Variants in SUMF1 observed in about 807,000 individuals in gnomAD.
SUMF1 encodes the protein sulfatase modifying factor 1.
SUMF1 carries 48 observed loss-of-function variants against 47.6 expected under a neutral mutation model. The observed-to-expected ratio is 1.01, with a 90% CI of 0.80 to 1.28. The LOEUF is 1.28. Among genes scored for constraint, SUMF1 ranks in the 50% most tolerant of loss-of-function variants. The pLI, the probability that SUMF1 is intolerant of heterozygous loss-of-function variation, is 0.00. For synonymous variants in SUMF1, 230 were observed against 192.1 expected, an observed-to-expected ratio of 1.20 and a Z score of -1.63; for missense variants, 571 against 485.4, an observed-to-expected ratio of 1.18 and a Z score of -1.66.
At chr3:4,154,077 T>C (rs1694399488) in intron 8 of SUMF1, among the ~76,000 whole-genome samples, 1 of 151,484 alleles carries the variant, frequency 6.6e-6, no homozygotes, top group Non-Finnish European at 1.5e-5. Context: ...TTAAATGGAA[T>C]GGCATGGCAC....
intron 8 of SUMF1, among the ~76,000 whole-genome samples, chr3:4,297,861 C>T (rs541095744): frequency 6.6e-6 from 1 of 152,222 alleles, no homozygotes; most frequent in Admixed American, 6.5e-5. Flanking sequence ...AAAAGAATGG[C>T]TTCTGAATAC....
intron 9 of SUMF1, among the ~76,000 whole-genome samples, chr3:4,047,641 A>T (rs1695028603): frequency 6.6e-6 from 1 of 152,046 alleles, no homozygotes; most frequent in African/African-American, 2.4e-5. Flanking sequence ...AGCCATACTA[A>T]GGAGATGCAC....
chr3:4,071,057 A>C (rs1695509903), intron 8 of SUMF1, among the ~76,000 whole-genome samples: 1 of 152,198 alleles, frequency 6.6e-6, no homozygotes, highest in Non-Finnish European at 1.5e-5. Flanking sequence ...TCTGGTAGGA[A>C]TAATACATAT....
chr3:4,058,637 C>T (rs1695229746), intron 9 of SUMF1, among the ~76,000 whole-genome samples: 1 of 152,004 alleles, frequency 6.6e-6, no homozygotes, highest in Non-Finnish European at 1.5e-5. Context: ...AGATGAGTTC[C>T]TCAAGATAAT....
chr3:4,417,757 C>G lies in SUMF1; in HGVS notation c.725+253G>C, dbSNP rs12629734. ...AAGTTCTAAGCAGTGATATGTAACT[C>G]AAGGGGGTTGAATTGCTAAGACTTG... On this transcript the variant is annotated intron_variant, in intron 5 of 8. Transcript: ENST00000272902. 5.0e-3 allele frequency among the ~76,000 whole-genome samples: 762 copies of G among 152,274 alleles called. 12 individuals carry two copies. Among genetic ancestry groups the G allele is most frequent in the East Asian group, 0.047 (242 of 5,180 alleles).
At chr3:4,349,742 A>G (rs1699447299) in intron 8 of SUMF1, among the ~76,000 whole-genome samples, 1 of 152,282 alleles carries the variant, frequency 6.6e-6, no homozygotes, top group East Asian at 1.9e-4. Flanking sequence ...GAACAGAAAA[A>G]CAAACACCAC....
intron 8 of SUMF1, among the ~76,000 whole-genome samples, chr3:4,119,993 T>C (rs1693503477): frequency 6.6e-6 from 1 of 152,124 alleles, no homozygotes; most frequent in Non-Finnish European, 1.5e-5. Flanking sequence ...TAGGAAATGT[T>C]AACAAACAGC....
intron 9 of SUMF1, among the ~76,000 whole-genome samples, chr3:4,050,910 C>T (rs1331214709): frequency 1.3e-5 from 2 of 151,726 alleles, no homozygotes; most frequent in South Asian, 2.1e-4. Context: ...CAAGTATGGG[C>T]TTTAGAAATG....
chr3:4,256,420 A>T (rs993535119), intron 8 of SUMF1, among the ~76,000 whole-genome samples: 2 of 140,430 alleles, frequency 1.4e-5, no homozygotes, highest in African/African-American at 5.4e-5. Flanking sequence ...ACAATAAAAA[A>T]TGATAAAGGG....
intron 3 of SUMF1, among the ~76,000 whole-genome samples, chr3:4,441,992 A>C (rs945924672): frequency 6.6e-6 from 1 of 152,232 alleles, no homozygotes; most frequent in Non-Finnish European, 1.5e-5. Context: ...AGGTGAAGAA[A>C]AACCGCCAAC....
At chr3:4,389,860 T>G (rs1041862411) in intron 7 of SUMF1, among the ~76,000 whole-genome samples, 1 of 152,216 alleles carries the variant, frequency 6.6e-6, no homozygotes, top group Non-Finnish European at 1.5e-5. Context: ...AATTTTTTCA[T>G]TTGTTTCAAG....
chr3:4,189,717 C>CTACAAA (rs112327456), intron 8 of SUMF1, among the ~76,000 whole-genome samples: 3 of 151,552 alleles, frequency 2.0e-5, no homozygotes, highest in Admixed American at 2.0e-4. Flanking sequence ...GAGAAGAAAA[C>CTACAAA]TAAATGACCC....
intron 8 of SUMF1, among the ~76,000 whole-genome samples, chr3:4,253,557 C>A (rs983859674): frequency 1.3e-5 from 2 of 151,178 alleles, no homozygotes; most frequent in Non-Finnish European, 2.9e-5. Flanking sequence ...TTCAGACCGG[C>A]TTAAAAAACG....
chr3:4,428,903 A>G (rs1262147597), intron 3 of SUMF1, among the ~76,000 whole-genome samples: 1 of 152,202 alleles, frequency 6.6e-6, no homozygotes. Flanking sequence ...CAAATTTTAT[A>G]TTGAATGTTT....
At chr3:4,363,235 T>A (rs6808388) in intron 8 of SUMF1, among the ~76,000 whole-genome samples, 13 of 151,434 alleles carry the variant, frequency 8.6e-5, no homozygotes, top group Admixed American at 7.9e-4. Flanking sequence ...TTTATGATAT[T>A]ATTTATTATC....
intron 8 of SUMF1, among the ~76,000 whole-genome samples, chr3:4,127,167 G>A (rs190846027): frequency 3.3e-5 from 5 of 152,272 alleles, no homozygotes; most frequent in Admixed American, 6.5e-5. Flanking sequence ...TAAAATTACC[G>A]TAAAGCTACA....
chr3:4,108,340 C>T (rs546533462), intron 8 of SUMF1, among the ~76,000 whole-genome samples: 6 of 152,046 alleles, frequency 3.9e-5, no homozygotes, highest in Non-Finnish European at 8.8e-5. Context: ...GCTTTACTTC[C>T]AACTAAGTGG....
At chr3:4,463,162 G>A (rs570235893) in intron 1 of SUMF1, among the ~76,000 whole-genome samples, 7 of 152,266 alleles carry the variant, frequency 4.6e-5, no homozygotes, top group Non-Finnish European at 5.9e-5. Flanking sequence ...ATCTAAAAAT[G>A]CTTCCAATGT....
At chr3:4,385,777 C>CT (rs1252463354) in intron 7 of SUMF1, among the ~76,000 whole-genome samples, 2 of 152,152 alleles carry the variant, frequency 1.3e-5, no homozygotes, top group African/African-American at 4.8e-5. Flanking sequence ...AATTTTAACT[C>CT]TGTGATTCAT....
Sources: gnomAD v4.1 joint callset for allele counts (sites outside exome capture counted in the v4.1 genomes callset) on GRCh38, gnomAD v4.1.1 for gene constraint, MANE v1.5 for transcripts, NCBI Gene and HGNC (gene_info 2026-07-23, HGNC 2026-07-21) for gene names.